DOK6: variants seen among roughly 807,000 people sequenced by gnomAD.
The protein encoded by DOK6 is downstream of tyrosine kinase 6.
In DOK6, 22 loss-of-function variants were observed where a neutral mutation model predicts 44.0. That is an observed-to-expected ratio of 0.50 (90% CI 0.36 to 0.71). The LOEUF (loss-of-function observed/expected upper bound fraction) is 0.71. Ranked by LOEUF, DOK6 falls within the 30% of genes least tolerant of loss-of-function variation. The probability of loss-of-function intolerance (pLI) is 0.00; values close to 1 mark genes in which losing one functional copy is unlikely to be tolerated. For synonymous variants in DOK6, 166 were observed against 145.5 expected, an observed-to-expected ratio of 1.14 and a Z score of -1.01; for missense variants, 340 against 416.4, an observed-to-expected ratio of 0.82 and a Z score of 1.60.
intron 1 of DOK6, among the ~76,000 whole-genome samples, chr18:69,554,745 C>T (rs1982646401): frequency 6.6e-6 from 1 of 152,212 alleles, no homozygotes. Flanking sequence ...ACACTCTCTC[C>T]AGTAGAGTGT....
At chr18:69,530,112 T>C (rs1981943074) in intron 1 of DOK6, among the ~76,000 whole-genome samples, 1 of 152,156 alleles carries the variant, frequency 6.6e-6, no homozygotes. Context: ...ATTACCATCT[T>C]AGAGAGTACT....
chr18:69,539,296 C>A (rs1305697328), intron 1 of DOK6, among the ~76,000 whole-genome samples: 1 of 152,252 alleles, frequency 6.6e-6, no homozygotes, highest in East Asian at 1.9e-4. Flanking sequence ...GCACATGATT[C>A]GTGAATTGCG....
intron 6 of DOK6, among the ~76,000 whole-genome samples, chr18:69,743,029 C>T (rs1978857990): frequency 6.6e-6 from 1 of 152,144 alleles, no homozygotes. Context: ...CTCATTCCTG[C>T]CTCCAAGTGA....
intron 2 of DOK6, among the ~76,000 whole-genome samples, chr18:69,593,358 C>G: frequency 6.7e-6 from 1 of 149,268 alleles, no homozygotes; most frequent in African/African-American, 2.5e-5. Context: ...GGCCACAGAA[C>G]AAGGCCCTGT....
chr18:69,612,177 T>C (rs1478946024), intron 3 of DOK6, among the ~76,000 whole-genome samples: 2 of 151,246 alleles, frequency 1.3e-5, no homozygotes, highest in Non-Finnish European at 2.9e-5. Flanking sequence ...ATTAGGTATA[T>C]GTCTGTGATC....
chr18:69,504,757 T>C (rs1981137162), intron 1 of DOK6, among the ~76,000 whole-genome samples: 1 of 152,158 alleles, frequency 6.6e-6, no homozygotes, highest in Non-Finnish European at 1.5e-5. Flanking sequence ...ACAGGAATAA[T>C]TAAGAGAAAT....
At chr18:69,460,727 T>G (rs1979765056) in intron 1 of DOK6, among the ~76,000 whole-genome samples, 1 of 152,220 alleles carries the variant, frequency 6.6e-6, no homozygotes, top group South Asian at 2.1e-4. Context: ...ATATACTACT[T>G]TTCTACTCAT....
intron 5 of DOK6, among the ~76,000 whole-genome samples, chr18:69,709,488 A>C (rs1003570448): frequency 6.6e-6 from 1 of 152,216 alleles, no homozygotes; most frequent in Non-Finnish European, 1.5e-5. Flanking sequence ...CTCTCACAAC[A>C]AAAGTCTAGG....
chr18:69,719,723 A>G (rs150839692), intron 5 of DOK6, among the ~76,000 whole-genome samples: 3 of 152,194 alleles, frequency 2.0e-5, no homozygotes, highest in Non-Finnish European at 4.4e-5. Context: ...AATTGCTCCC[A>G]TAGTTATTTT....
chr18:69,524,540 G>A (rs1442674), intron 1 of DOK6, among the ~76,000 whole-genome samples: 85,516 of 151,620 alleles, frequency 0.56, 24,740 homozygotes, highest in Non-Finnish European at 0.64. Context: ...TGGCTAAATA[G>A]GTTCTAATTA....
chr18:69,708,647 T>C (rs1445421025), intron 5 of DOK6, among the ~76,000 whole-genome samples: 1 of 151,912 alleles, frequency 6.6e-6, no homozygotes, highest in African/African-American at 2.4e-5. Context: ...CAGCTGGGCA[T>C]GGTGGCGGAC....
At chr18:69,654,875 G>A (rs1385491700) in intron 3 of DOK6, among the ~76,000 whole-genome samples, 1 of 152,114 alleles carries the variant, frequency 6.6e-6, no homozygotes, top group Non-Finnish European at 1.5e-5. Context: ...TGAGCAACAT[G>A]GCAAAGCCCC....
intron 7 of DOK6, among the ~76,000 whole-genome samples, chr18:69,774,133 G>GAGATATATAT (rs1555670147): frequency 1.5e-5 from 1 of 66,866 alleles, no homozygotes; most frequent in African/African-American, 4.2e-5. Flanking sequence ...ATATATATGA[G>GAGATATATAT]ATATATATAT....
At chr18:69,724,346 CTT>C (rs1483976187) in intron 5 of DOK6, among the ~76,000 whole-genome samples, 3 of 152,168 alleles carry the variant, frequency 2.0e-5, no homozygotes, top group African/African-American at 7.2e-5. Flanking sequence ...AGCAGACAAT[CTT>C]TTGTTCATAG....
intron 7 of DOK6, among the ~76,000 whole-genome samples, chr18:69,761,005 G>T (rs1158768425): frequency 9.5e-6 from 1 of 105,266 alleles, no homozygotes; most frequent in African/African-American, 4.0e-5. Context: ...CTATCTAGTA[G>T]GAGCCTGCCT....
At position 69,757,850 on chromosome 18, in the gene DOK6, T is replaced by C. The variant is rs1355018528; in HGVS notation, c.833T>C (p.Val278Ala). 3 of 1,614,004 alleles carry C rather than the reference T, an allele frequency of 1.9e-6. No individual in the cohort carries two copies. The highest frequency in any genetic ancestry group is 2.5e-6 in the Non-Finnish European group (3 of 1,179,974). ...YWHHITRQNS[V>A]GEIYSLQGHG... is the part of the protein sequence containing the mutation. ...CATCACATCACTCGTCAGAACAGCG[T>C]TGGTGAAATCTACAGTTTGCAAGGC... Residue 278 changes from valine (V) to alanine (A), a missense_variant, in exon 7 of 8, where the codon GTT (valine) becomes GCT (alanine). Around this residue, in one of 3 missense-constraint regions of DOK6, gnomAD observed 112 missense variants for 109.3 expected, o/e 1.02. Coordinates refer to ENST00000382713, the MANE Select transcript of DOK6 (RefSeq NM_152721.6).
intron 2 of DOK6, among the ~76,000 whole-genome samples, chr18:69,581,247 C>T (rs1212229924): frequency 6.6e-6 from 1 of 152,132 alleles, no homozygotes; most frequent in African/African-American, 2.4e-5. Context: ...GACATCCTTG[C>T]AGGGCCCAGT....
intron 7 of DOK6, among the ~76,000 whole-genome samples, chr18:69,827,798 C>T (rs1339575854): frequency 6.6e-6 from 1 of 151,938 alleles, no homozygotes; most frequent in Non-Finnish European, 1.5e-5. Context: ...TATACTATTT[C>T]TTTTGTAACA....
intron 3 of DOK6, among the ~76,000 whole-genome samples, chr18:69,617,244 C>G (rs1037021873): frequency 6.6e-6 from 1 of 151,658 alleles, no homozygotes; most frequent in Non-Finnish European, 1.5e-5. Context: ...AGAGTGAGCC[C>G]AAGAGGTTGA....
Sources: allele counts gnomAD v4.1 joint callset (sites outside exome capture counted in the v4.1 genomes callset), GRCh38; gene constraint gnomAD v4.1.1; regional missense constraint gnomAD v4.1.1; transcripts MANE v1.5; gene names NCBI Gene and HGNC (gene_info 2026-07-23, HGNC 2026-07-21).